The following OVCH2 variants were observed in gnomAD, a reference collection of about 807,000 sequenced individuals.
OVCH2 encodes ovochymase 2.
OVCH2 carries 88 observed loss-of-function variants against 73.7 expected under a neutral mutation model. The ratio of observed to expected loss-of-function variants is 1.19; its 90% confidence interval spans 1.01 to 1.43. The LOEUF is 1.43. OVCH2 is among the 40% of genes most tolerant of loss of function. OVCH2 has a pLI of 0.00. For synonymous variants in OVCH2, 265 were observed against 234.5 expected, an observed-to-expected ratio of 1.13 and a Z score of -1.19; for missense variants, 706 against 674.5, an observed-to-expected ratio of 1.05 and a Z score of -0.52.
At position 7,700,326 on chromosome 11, in the gene OVCH2, G is replaced by C; in HGVS notation, c.871C>G (p.Leu291Val). Residue 291 changes from leucine (L) to valine (V), a missense_variant, in exon 7 of 16, where the codon CTT becomes GTT. By Grantham distance (32) the Leu-to-Val change is conservative (BLOSUM62 1). Transcript: ENST00000533663. ...PGIFTDISKVLPWIHEHIQTG... is the reference protein window; with the variant it reads ...PGIFTDISKVVPWIHEHIQTG... The stretch of plus-strand genomic sequence containing the variant: ...TGGATGTGTTCGTGGATCCAGGGAA[G>C]CACTTTACTAATGTCTGTGAAGATC... 1 of 1,613,864 alleles carries C rather than the reference G, an allele frequency of 6.2e-7. No homozygotes were observed.
intron 14 of OVCH2, 33 bp downstream of exon 14, chr11:7,691,236 G>A (rs745527057): frequency 1.9e-6 from 3 of 1,570,706 alleles, no homozygotes; most frequent in East Asian, 2.3e-5. Flanking sequence ...ATTAGAACTG[G>A]GAACCAAAGA....
Position 7,702,098 on chromosome 11 carries a change from G to T in OVCH2, c.463+59C>A. On this transcript the variant is annotated intron_variant, in intron 4 of 15. Coordinates refer to ENST00000533663, the MANE Select transcript of OVCH2 (RefSeq NM_198185.7). ...ACGTATACTGCAGGAAATGTGCTAT[G>T]GCACAGAGGTTATAGAGAACATGGG... 10 of 1,420,608 alleles carry T rather than the reference G, an allele frequency of 7.0e-6. No homozygotes were observed. In the South Asian group the frequency reaches 1.2e-4, roughly 17 times the overall value. 88.0% of individuals were successfully genotyped at this position (1,420,608 alleles called of 1,614,324 possible).
In OVCH2 at chr11:7,696,505, G is replaced by C. The variant is rs747008993; in HGVS notation, c.1101C>G (p.His367Gln). ...CTAAAGAATACATTGACAGGTAACTGTGGTGACAAGACTCAACATCTAGGT... is the reference window on the plus strand; with the variant it reads ...CTAAAGAATACATTGACAGGTAACTCTGGTGACAAGACTCAACATCTAGGT... The part of the protein sequence containing the change: ...FSHLDVESCH[H>Q]SYLSMYSLED... The change falls in exon 10 of 16, where the codon CAC (histidine) becomes CAG (glutamine). Residue 367 changes from histidine (H) to glutamine (Q), a missense_variant. His to Gln is a conservative substitution (Grantham distance 24, BLOSUM62 0). Transcript: ENST00000533663. 9.9e-6 allele frequency: 16 copies of C among 1,613,850 alleles called. No individual in the cohort carries two copies. The highest frequency in any genetic ancestry group is 1.4e-5 in the Non-Finnish European group (16 of 1,179,878).
chr11:7,704,374 G>T (rs1856495775), intron 2 of OVCH2, among the ~76,000 whole-genome samples, 191 bp downstream of exon 2: 1 of 152,034 alleles, frequency 6.6e-6, no homozygotes, highest in African/African-American at 2.4e-5. Flanking sequence ...TACTTGATTT[G>T]ATTCTAAAAT....
intron 1 of OVCH2, 194 bp downstream of exon 1, chr11:7,706,113 C>CT: frequency 1.8e-6 from 1 of 541,468 alleles, no homozygotes; most frequent in Non-Finnish European, 3.2e-6. Flanking sequence ...TAGTTGCATT[C>CT]TATAAATGTT....
At chr11:7,691,432 T>TC (rs1458365523) in intron 13 of OVCH2, 32 bp from the exon 14 acceptor site, 1 of 1,592,496 alleles carries the variant, frequency 6.3e-7, no homozygotes, top group South Asian at 1.1e-5. Context: ...CATGACATTG[T>TC]CAAGCACCCA....
intron 12 of OVCH2, among the ~76,000 whole-genome samples, chr11:7,694,638 TGA>T (rs1856290124): frequency 7.6e-6 from 1 of 132,064 alleles, no homozygotes; most frequent in African/African-American, 2.6e-5. Context: ...TTTTGTGTTT[TGA>T]GAGTTTCGCT....
chr11:7,684,038 T>C, the OVCH2 span, among the ~76,000 whole-genome samples: 1 of 149,562 alleles, frequency 6.7e-6, no homozygotes, highest in Non-Finnish European at 1.5e-5. Context: ...AAATATATAT[T>C]ATATATATTA....
At position 7,700,333 on chromosome 11, in the gene OVCH2, A is replaced by G; in HGVS notation, c.864T>C (p.Ser288=). ...QGSPGIFTDI[S]KVLPWIHEHI... is the part of the protein sequence containing the mutation. ...GTTCGTGGATCCAGGGAAGCACTTT[A>G]CTAATGTCTGTGAAGATCCCAGGGG... Residue 288 remains serine (S), a synonymous_variant, in exon 7 of 16, where the codon AGT becomes AGC. Transcript: ENST00000533663. 1 of 1,613,850 alleles carries G rather than the reference A, an allele frequency of 6.2e-7. No homozygotes were observed. The highest frequency in any genetic ancestry group is 8.5e-7 in the Non-Finnish European group (1 of 1,179,856).
Position 7,691,886 on chromosome 11 carries a change from C to T in OVCH2, c.1507+16G>A, listed in dbSNP as rs1309963086. On this transcript the variant is annotated intron_variant, in intron 13 of 15. Coordinates refer to ENST00000533663, the MANE Select transcript of OVCH2 (RefSeq NM_198185.7). ...AAACACAAACCAGAGCGAGCTGAGG[C>T]TCAGAGGACACAAACCTATTTCCTT... 2.0e-5 allele frequency: 31 copies of T among 1,549,336 alleles called. No individual in the cohort carries two copies. Among genetic ancestry groups the T allele is most frequent in the Non-Finnish European group, 2.7e-5 (31 of 1,143,632 alleles).
the OVCH2 span, among the ~76,000 whole-genome samples, chr11:7,683,018 C>T: frequency 7.2e-5 from 11 of 152,336 alleles, no homozygotes; most frequent in South Asian, 2.3e-3. Context: ...GTCAATGCTC[C>T]TCATTTCCAA....
intron 14 of OVCH2, among the ~76,000 whole-genome samples, chr11:7,690,273 G>T (rs1856196667): frequency 6.6e-6 from 1 of 152,148 alleles, no homozygotes. Flanking sequence ...AAGAATCATG[G>T]GTATGAGAAT....
At chr11:7,704,427 T>C in intron 2 of OVCH2, 138 bp downstream of exon 2, 2 of 588,842 alleles carry the variant, frequency 3.4e-6, no homozygotes, top group Non-Finnish European at 6.0e-6. Flanking sequence ...ATGACATTCA[T>C]CACATGCCAT....
chr11:7,694,799 G>C (rs577670695), intron 12 of OVCH2, among the ~76,000 whole-genome samples: 3 of 122,530 alleles, frequency 2.4e-5, no homozygotes, highest in East Asian at 4.7e-4. Flanking sequence ...AGATTAAAGC[G>C]GCACTTTTTT....
At chr11:7,681,593 T>C in the OVCH2 span, among the ~76,000 whole-genome samples, 2 of 151,336 alleles carry the variant, frequency 1.3e-5, no homozygotes, top group East Asian at 3.8e-4. Context: ...GTGTTAATGA[T>C]ACTAGTCAAT....
chr11:7,684,487 T>TAC (rs1555012336), downstream of OVCH2, among the ~76,000 whole-genome samples: 15,070 of 143,394 alleles, frequency 0.11, 1,068 homozygotes, highest in African/African-American at 0.19. Flanking sequence ...TATATATATA[T>TAC]ACACACACAT....
chr11:7,700,628 A>ACAG, intron 6 of OVCH2, 143 bp from the exon 7 acceptor site: 2 of 913,624 alleles, frequency 2.2e-6, no homozygotes, highest in Non-Finnish European at 3.2e-6. Flanking sequence ...CTGTGTATAC[A>ACAG]GATCCCAGCA....
chr11:7,686,826 T>C (rs1324011551), downstream of OVCH2, among the ~76,000 whole-genome samples: 1 of 152,178 alleles, frequency 6.6e-6, no homozygotes. Flanking sequence ...CCTGAAGATT[T>C]TAAATAAGTT....
chr11:7,695,977 C>G (rs1433092929), intron 10 of OVCH2, among the ~76,000 whole-genome samples: 1 of 152,186 alleles, frequency 6.6e-6, no homozygotes, highest in Admixed American at 6.5e-5. Context: ...TCATTCATTG[C>G]CAAATGTGTC....
Sources: allele counts gnomAD v4.1 joint callset (sites outside exome capture counted in the v4.1 genomes callset), GRCh38; gene constraint gnomAD v4.1.1; transcripts MANE v1.5; gene names NCBI Gene and HGNC (gene_info 2026-07-23, HGNC 2026-07-21).